GSE1: variants seen among roughly 807,000 people sequenced by gnomAD.
GSE1 encodes Gse1 coiled-coil protein.
In GSE1, 32 loss-of-function variants were observed where a neutral mutation model predicts 112.6. The ratio of observed to expected loss-of-function variants is 0.28; its 90% CI spans 0.21 to 0.38. The LOEUF is 0.38. GSE1 is among the 10% of genes least tolerant of loss of function. GSE1 has a pLI of 1.00. For synonymous variants in GSE1, 1,115 were observed against 735.6 expected (o/e 1.52, Z -8.35); for missense variants, 2,348 against 1,699.2 (o/e 1.38, Z -6.71).
rs75628243 is a variant in GSE1, at chr16:85,672,554, C to G, written c.*15C>G. 2 of 1,569,842 alleles carry G rather than the reference C, an allele frequency of 1.3e-6. No homozygotes were observed. The highest frequency in any genetic ancestry group is 1.4e-5 in the African/African-American group (1 of 73,792). On this transcript the variant is annotated 3_prime_UTR_variant, in exon 16 of 16. Transcript: ENST00000253458. ...ATCCCAGGTGACGGTTTCCCTTGCA[C>G]TAGGCCGAACCTATAGTATAGAAAT...
At chr16:85,218,995 T>A (rs1390670732) in intron 1 of GSE1, among the ~76,000 whole-genome samples, 1 of 152,156 alleles carries the variant, frequency 6.6e-6, no homozygotes, top group Non-Finnish European at 1.5e-5. Context: ...TTCTTCTGCC[T>A]CAGCCTCCCG....
chr16:85,328,401 A>G (rs988946246), intron 1 of GSE1, among the ~76,000 whole-genome samples: 1 of 152,200 alleles, frequency 6.6e-6, no homozygotes, highest in African/African-American at 2.4e-5. Context: ...GCTGAGCCAG[A>G]TAAAGGCACA....
intron 2 of GSE1, among the ~76,000 whole-genome samples, chr16:85,519,275 TCACCATCACCAC>T (rs1367120897): frequency 0.05 from 6,339 of 126,216 alleles, 156 homozygotes; most frequent in East Asian, 0.14. Flanking sequence ...ACTATCATCA[TCACCATCACCAC>T]CACCATCACC....
intron 1 of GSE1, among the ~76,000 whole-genome samples, chr16:85,296,987 C>G (rs1208383405): frequency 6.6e-6 from 1 of 152,214 alleles, no homozygotes; most frequent in Non-Finnish European, 1.5e-5. Flanking sequence ...TGACCTCACT[C>G]TGTGCCTGCT....
intron 2 of GSE1, among the ~76,000 whole-genome samples, chr16:85,441,379 G>A (rs1399260377): frequency 6.6e-6 from 1 of 152,232 alleles, no homozygotes; most frequent in African/African-American, 2.4e-5. Flanking sequence ...ACGTGGTCTG[G>A]CGTGGTGGCT....
chr16:85,260,545 A>G (rs1037097280), intron 1 of GSE1, among the ~76,000 whole-genome samples: 3 of 151,982 alleles, frequency 2.0e-5, no homozygotes, highest in African/African-American at 7.3e-5. Context: ...CTAGTCTCGA[A>G]CTGCTGACCT....
chr16:85,262,531 G>C (rs1048147032), intron 1 of GSE1, among the ~76,000 whole-genome samples: 1 of 152,226 alleles, frequency 6.6e-6, no homozygotes, highest in Non-Finnish European at 1.5e-5. Flanking sequence ...CCCCACATCG[G>C]TGATTTCTAG....
At chr16:85,280,432 G>A (rs2044823329) in intron 1 of GSE1, among the ~76,000 whole-genome samples, 1 of 152,146 alleles carries the variant, frequency 6.6e-6, no homozygotes, top group African/African-American at 2.4e-5. Flanking sequence ...GTCTCTCTCT[G>A]TTGCCCAGGC....
upstream of GSE1, chr16:85,554,783 G>A (rs961042552): frequency 7.7e-6 from 5 of 650,230 alleles, no homozygotes; most frequent in Non-Finnish European, 9.5e-6. Context: ...CGTGGGGGGG[G>A]AGGGAGGGAG....
At position 85,655,003 on chromosome 16, in the gene GSE1, C is replaced by G. The variant is rs865805598; in HGVS notation, c.797+12C>G. The G allele has an allele frequency of 3.3e-6, 5 of 1,514,554 alleles. No homozygotes were observed. The African/African-American group carries it at 5.4e-5, about 17-fold the overall frequency. 93.8% of individuals were successfully genotyped at this position (1,514,554 alleles called of 1,614,324 possible). ...CACCCGGCCTTCAGGTGAGGCATCCCCCACGCGCCCTCTCGTCTAGGTGCT... is the reference window on the plus strand; with the variant it reads ...CACCCGGCCTTCAGGTGAGGCATCCGCCACGCGCCCTCTCGTCTAGGTGCT... On this transcript the variant is annotated intron_variant, in intron 5 of 15. Transcript: ENST00000253458.
chr16:85,479,568 T>C (rs1004277045), intron 2 of GSE1, among the ~76,000 whole-genome samples: 1 of 152,164 alleles, frequency 6.6e-6, no homozygotes. Flanking sequence ...CCTCCCAAAG[T>C]GCTGGGATTA....
chr16:85,667,710 T>G (rs1186717719), intron 13 of GSE1, among the ~76,000 whole-genome samples: 1 of 152,086 alleles, frequency 6.6e-6, no homozygotes, highest in Non-Finnish European at 1.5e-5. Context: ...AATGCAAAAA[T>G]TAGCTGGGCA....
chr16:85,203,479 G>T (rs1476347135), intron 1 of GSE1, among the ~76,000 whole-genome samples: 1 of 152,198 alleles, frequency 6.6e-6, no homozygotes. Flanking sequence ...GGGTTGGATG[G>T]AGGGAGACCC....
At chr16:85,466,795 C>T (rs988426561) in intron 2 of GSE1, among the ~76,000 whole-genome samples, 5 of 152,172 alleles carry the variant, frequency 3.3e-5, no homozygotes, top group Admixed American at 6.5e-5. Context: ...CGCAGTGGCT[C>T]ACACCTGTAA....
At position 85,672,729 on chromosome 16, in the gene GSE1, C is replaced by G; in HGVS notation, c.*190C>G. 2.4e-6 allele frequency: 1 copy of G among 416,418 alleles called. No homozygotes were observed. The highest frequency in any genetic ancestry group is 7.2e-5 in the South Asian group (1 of 13,942). 25.8% of individuals were successfully genotyped at this position (416,418 alleles called of 1,614,324 possible). On this transcript the variant is annotated 3_prime_UTR_variant, in exon 16 of 16. Coordinates refer to ENST00000253458, the MANE Select transcript of GSE1 (RefSeq NM_014615.5). ...CTTGACGTCAATGCAATTGAATCAC[C>G]GTTGTCATTCAGCGAGCAACCAATG...
rs1156981894 is a variant in GSE1 at position 85,648,759 on chromosome 16, G to A, written c.426+8G>A. On this transcript the variant is annotated splice_region_variant and intron_variant, in intron 3 of 15. Transcript: ENST00000253458. ...AGGAGTGAGAGCCGGCAGGTGAGTG[G>A]GGCGGGGCAGGGAGCCTAGCGTCCT... 1.9e-6 allele frequency: 3 copies of A among 1,545,494 alleles called. No homozygotes were observed. The highest frequency in any genetic ancestry group is 2.6e-6 in the Non-Finnish European group (3 of 1,139,942).
intron 1 of GSE1, among the ~76,000 whole-genome samples, chr16:85,583,999 G>T (rs1210698368): frequency 6.6e-6 from 1 of 152,200 alleles, no homozygotes; most frequent in Non-Finnish European, 1.5e-5. Context: ...AGATTTCTTT[G>T]TCTCCTTCAA....
At chr16:85,536,801 G>A (rs978953759) in intron 2 of GSE1, among the ~76,000 whole-genome samples, 2 of 152,224 alleles carry the variant, frequency 1.3e-5, no homozygotes, top group African/African-American at 4.8e-5. Context: ...GCCAGGTGTG[G>A]CTGATTTTGC....
chr16:85,311,550 G>A lies in GSE1; in HGVS notation c.2284-45913G>A, dbSNP rs1435634828. ...AGGTGCCGGGGTGCTCACCTTCCCC[G>A]AGGCTTTGTTTCCGGATTCTTCTCT... On this transcript the variant is annotated intron_variant, in intron 1 of 2. Coordinates refer to the GSE1 transcript ENST00000637419. The surrounding 1 kb of genome is among the most constrained non-coding windows in gnomAD (Gnocchi z 4.2). 6.6e-6 allele frequency among the ~76,000 whole-genome samples: 1 copy of A among 152,128 alleles called. No individual in the cohort carries two copies. The highest frequency in any genetic ancestry group is 6.5e-5 in the Admixed American group (1 of 15,280).
Sources: allele counts gnomAD v4.1 joint callset (sites outside exome capture counted in the v4.1 genomes callset), GRCh38; gene constraint gnomAD v4.1.1; non-coding constraint Gnocchi (gnomAD v3.1); transcripts MANE v1.5; gene names NCBI Gene and HGNC (gene_info 2026-07-23, HGNC 2026-07-21).